NTRK3: variants seen among roughly 807,000 people sequenced by gnomAD.
NTRK3 encodes NT-3 growth factor receptor.
A neutral mutation model predicts 91.7 loss-of-function variants in NTRK3; 24 were observed. The ratio of observed to expected loss-of-function variants is 0.26; its 90% CI spans 0.19 to 0.37. NTRK3 has a LOEUF of 0.37. Ranked by LOEUF, NTRK3 falls within the 10% of genes least tolerant of loss-of-function variation. NTRK3 has a pLI of 1.00. For missense variants in NTRK3, 880 were observed against 1,068.9 expected (o/e 0.82, Z 2.46); for synonymous variants, 483 against 404.0 (o/e 1.20, Z -2.34).
intron 3 of NTRK3, among the ~76,000 whole-genome samples, chr15:88,196,539 A>C (rs981129177): frequency 2.0e-5 from 3 of 152,214 alleles, no homozygotes; most frequent in African/African-American, 7.2e-5. Flanking sequence ...AAAGGGAGGA[A>C]ATGATATTCA....
At chr15:88,236,789 A>T (rs1249378821) in intron 3 of NTRK3, among the ~76,000 whole-genome samples, 1 of 150,832 alleles carries the variant, frequency 6.6e-6, no homozygotes, top group South Asian at 2.1e-4. Flanking sequence ...AAAAAAAAAA[A>T]CACTACTCTC....
At chr15:87,894,084 T>C (rs2065982241) in intron 17 of NTRK3, among the ~76,000 whole-genome samples, 1 of 152,248 alleles carries the variant, frequency 6.6e-6, no homozygotes, top group Non-Finnish European at 1.5e-5. Context: ...TGATTCCATG[T>C]CTATTCACAT....
chr15:88,180,681 T>TA (rs3045935), intron 5 of NTRK3, among the ~76,000 whole-genome samples: 51,523 of 107,636 alleles, frequency 0.48, 11,078 homozygotes, highest in South Asian at 0.6. Context: ...GCCATTACCC[T>TA]AAAAAAAAAA....
At chr15:87,991,252 A>C (rs1368776164) in intron 14 of NTRK3, among the ~76,000 whole-genome samples, 1 of 152,070 alleles carries the variant, frequency 6.6e-6, no homozygotes, top group African/African-American at 2.4e-5. Flanking sequence ...TGGCTACATA[A>C]GGTTTGGATC....
chr15:88,178,838 G>C (rs375572704), intron 5 of NTRK3, among the ~76,000 whole-genome samples: 2 of 152,176 alleles, frequency 1.3e-5, no homozygotes, highest in African/African-American at 4.8e-5. Flanking sequence ...AGGATGGAGC[G>C]TGCTGAATCC....
chr15:88,167,838 A>C (rs959603873), intron 5 of NTRK3, among the ~76,000 whole-genome samples: 3 of 152,210 alleles, frequency 2.0e-5, no homozygotes, highest in African/African-American at 7.2e-5. Flanking sequence ...CAGAAAAATG[A>C]AAGTAAGAAA....
chr15:87,867,997 AAAGGGTATGTGTCGAT>A, exon 19 of NTRK3: 1 of 230,314 alleles, frequency 4.3e-6, no homozygotes, highest in South Asian at 1.8e-4. Flanking sequence ...GCAGAAAGTC[AAAGGGTATGTGTCGAT>A]AATAAGAGGA....
In NTRK3 at chr15:87,923,836, A is replaced by C. The variant is rs2068071502; in HGVS notation, c.2133+5355T>G. 1.3e-5 allele frequency among the ~76,000 whole-genome samples: 2 copies of C among 152,138 alleles called. 1 individual carries two copies. The highest frequency in any genetic ancestry group is 4.2e-4 in the South Asian group (2 of 4,812). On this transcript the variant is annotated intron_variant, in intron 17 of 18. Transcript: ENST00000394480. The stretch of plus-strand genomic sequence containing the variant: ...TCATGAGAGTGGGTTTGTTATCACA[A>C]GAGCGGGTTTACTATAAAAGCAAGT...
intron 17 of NTRK3, among the ~76,000 whole-genome samples, chr15:87,886,717 C>T (rs368917264): frequency 1.5e-4 from 14 of 94,270 alleles, no homozygotes; most frequent in African/African-American, 2.1e-4. Context: ...TACACACACA[C>T]ACATACACAC....
chr15:87,923,097 T>C (rs1213774665), intron 17 of NTRK3, among the ~76,000 whole-genome samples: 2 of 152,228 alleles, frequency 1.3e-5, no homozygotes, highest in Non-Finnish European at 2.9e-5. Context: ...CTATCTTTCC[T>C]GATAAATCAG....
intron 17 of NTRK3, among the ~76,000 whole-genome samples, chr15:87,923,030 T>C (rs1003871913): frequency 6.6e-6 from 1 of 152,200 alleles, no homozygotes; most frequent in African/African-American, 2.4e-5. Flanking sequence ...AAAGGGGATC[T>C]TGCAAAATAA....
rs146552635 is a variant in NTRK3 at position 88,105,199 on chromosome 15, C to T, written c.1396+21072G>A. Among the ~76,000 whole-genome samples the T allele has an allele frequency of 7.3e-3, 1,117 of 152,320 alleles. 8 individuals are homozygous for T. The highest frequency in any genetic ancestry group is 0.012 in the Non-Finnish European group (819 of 68,014). On this transcript the variant is annotated intron_variant, in intron 13 of 18. Coordinates refer to ENST00000394480, the Ensembl canonical transcript of NTRK3. ...GACCTGATTGTCAACCACGGCTCCT[C>T]GTCCCCAGCTTATTCTTAACGTTGC...
In NTRK3 at chr15:88,237,487, T is replaced by A. The variant is rs2051899731; in HGVS notation, c.248+18419A>T. Among the ~76,000 whole-genome samples, 1 of 152,364 alleles carries A rather than the reference T, an allele frequency of 6.6e-6. No homozygotes were observed. Among genetic ancestry groups the A allele is most frequent in the Non-Finnish European group, 1.5e-5 (1 of 68,036 alleles). ...TTACTGACACAAGTGTGGTGCTCAC[T>A]GGTAGCTGTTGAAATAATTAGTTAA... On this transcript the variant is annotated intron_variant, in intron 3 of 18. Transcript: ENST00000394480. The surrounding 1 kb of genome is among the most constrained non-coding windows in gnomAD (Gnocchi z 4.0).
At chr15:87,969,142 G>A (rs576725402) in intron 14 of NTRK3, among the ~76,000 whole-genome samples, 1 of 152,258 alleles carries the variant, frequency 6.6e-6, no homozygotes, top group South Asian at 2.1e-4. Flanking sequence ...GGGAACGAAT[G>A]AGAGATGAAA....
At chr15:87,921,156 C>A (rs1031417647) in intron 17 of NTRK3, among the ~76,000 whole-genome samples, 8 of 152,088 alleles carry the variant, frequency 5.3e-5, no homozygotes, top group African/African-American at 9.7e-5. Context: ...AAACCACTTC[C>A]TCGGGAATGG....
chr15:88,091,702 C>T (rs963261581), intron 13 of NTRK3, among the ~76,000 whole-genome samples: 1 of 152,156 alleles, frequency 6.6e-6, no homozygotes, highest in Non-Finnish European at 1.5e-5. Flanking sequence ...TGATGTCTGC[C>T]ATGGACACAA....
intron 17 of NTRK3, among the ~76,000 whole-genome samples, chr15:87,905,047 G>C (rs2066682595): frequency 6.6e-6 from 1 of 152,116 alleles, no homozygotes; most frequent in Non-Finnish European, 1.5e-5. Context: ...AACTTGATGA[G>C]GTAACCCTAC....
intron 3 of NTRK3, among the ~76,000 whole-genome samples, chr15:88,190,038 C>T (rs1330932083): frequency 3.3e-5 from 5 of 152,168 alleles, no homozygotes; most frequent in Admixed American, 6.5e-5. Context: ...GGACAAGGCA[C>T]CCTTTACCTG....
chr15:87,916,664 T>C (rs1006433563), intron 17 of NTRK3: 9 of 690,220 alleles, frequency 1.3e-5, no homozygotes, highest in Admixed American at 8.4e-5. Context: ...TATTATTTTT[T>C]GGCAGGATTA....
Sources: gnomAD v4.1 joint callset for allele counts (sites outside exome capture counted in the v4.1 genomes callset) on GRCh38, gnomAD v4.1.1 for gene constraint, Gnocchi (gnomAD v3.1) non-coding constraint, MANE v1.5 for transcripts, NCBI Gene and HGNC (gene_info 2026-07-23, HGNC 2026-07-21) for gene names.